COL4A1: variants seen among roughly 807,000 people sequenced by gnomAD.
COL4A1 encodes the protein collagen alpha-1(IV) chain.
A neutral mutation model predicts 216.6 loss-of-function variants in COL4A1; 40 were observed. The ratio of observed to expected loss-of-function variants is 0.18; its 90% confidence interval spans 0.14 to 0.24. COL4A1 has a LOEUF of 0.24. COL4A1 is among the 10% of genes least tolerant of loss of function. COL4A1 has a pLI of 1.00. For synonymous variants in COL4A1, 839 were observed against 810.7 expected, an observed-to-expected ratio of 1.03 and a Z score of -0.59; for missense variants, 1,628 against 2,196.8, an observed-to-expected ratio of 0.74 and a Z score of 5.18.
chr13:110,195,054 C>G lies in COL4A1; in HGVS notation c.1350G>C (p.Gln450His). The part of the protein sequence containing the change: ...GDQGPPGIPG[Q>H]PGFIGEIGEK... Reference sequence around the variant, plus strand: ...CTCCAATTTCGCCTATAAATCCTGGCTGCCCTGGAATTCCAGGAGGACCCT... The same window carrying G: ...CTCCAATTTCGCCTATAAATCCTGGGTGCCCTGGAATTCCAGGAGGACCCT... Residue 450 changes from glutamine (Q) to histidine (H), a missense_variant, in exon 22 of 52, where the codon CAG (glutamine) becomes CAC (histidine). Physicochemically the swap from Gln to His is conservative, Grantham distance 24. Around this residue, in one of 8 missense-constraint regions of COL4A1, gnomAD observed 701 missense variants for 892.5 expected, o/e 0.79. Transcript: ENST00000375820. The G allele has an allele frequency of 6.2e-7, 1 of 1,614,186 alleles. No homozygotes were observed.
At chr13:110,229,713 G>A (rs951362969) in intron 2 of COL4A1, among the ~76,000 whole-genome samples, 1 of 152,170 alleles carries the variant, frequency 6.6e-6, no homozygotes, top group African/African-American at 2.4e-5. Context: ...GTCCACAGCC[G>A]ACCTCGAATC....
intron 2 of COL4A1, among the ~76,000 whole-genome samples, chr13:110,219,682 A>ATATATATGTG (rs796243377): frequency 0.22 from 28,775 of 133,468 alleles, 3,301 homozygotes; most frequent in East Asian, 0.31. Flanking sequence ...ATATATGTGT[A>ATATATATGTG]TATATATGTA....
chr13:110,299,223 CAG>C (rs1225035647), intron 1 of COL4A1, among the ~76,000 whole-genome samples: 3 of 152,226 alleles, frequency 2.0e-5, no homozygotes, highest in African/African-American at 7.2e-5. Flanking sequence ...GCGGCGGCCT[CAG>C]TGAAAGAAGT....
intron 10 of COL4A1, 136 bp downstream of exon 10, chr13:110,209,844 G>A: frequency 9.3e-7 from 1 of 1,080,260 alleles, no homozygotes; most frequent in Non-Finnish European, 1.4e-6. Context: ...TAGTAAGAGG[G>A]AAGCTGATTC....
chr13:110,219,888 G>GTATATA (rs1566386039), intron 2 of COL4A1, among the ~76,000 whole-genome samples: 1 of 80,994 alleles, frequency 1.2e-5, no homozygotes, highest in East Asian at 2.6e-4. Flanking sequence ...GTATATATAT[G>GTATATA]TGTGTATATA....
At chr13:110,287,236 C>CAACAATAGT (rs981577470) in intron 1 of COL4A1, among the ~76,000 whole-genome samples, 1 of 152,164 alleles carries the variant, frequency 6.6e-6, no homozygotes, top group Admixed American at 6.5e-5. Flanking sequence ...TTCAGCCATT[C>CAACAATAGT]AACAATAGTA....
At chr13:110,206,986 T>C (rs1161554139) in intron 13 of COL4A1, 95 bp from the exon 14 acceptor site, 1 of 1,281,660 alleles carries the variant, frequency 7.8e-7, no homozygotes, top group African/African-American at 1.5e-5. Context: ...AAAAAACCTT[T>C]TTCTGATATA....
At position 110,211,754 on chromosome 13, in the gene COL4A1, T is replaced by G; in HGVS notation, c.442-81A>C. The G allele has an allele frequency of 7.0e-7, 1 of 1,435,374 alleles. No individual in the cohort carries two copies. The highest frequency in any genetic ancestry group is 2.4e-5 in the East Asian group (1 of 42,114). The allele number at this position is 1,435,374 out of a possible 1,614,324, so 88.9% of individuals were successfully genotyped here. On this transcript the variant is annotated intron_variant, in intron 7 of 51. Coordinates refer to ENST00000375820, the MANE Select transcript of COL4A1 (RefSeq NM_001845.6). The surrounding 1 kb of genome is among the most constrained non-coding windows in gnomAD (Gnocchi z 4.3). ...AAAATTGTTATCATGTAATATTATA[T>G]ATAAAATATAAGTTATTAAAACATA...
intron 49 of COL4A1, among the ~76,000 whole-genome samples, chr13:110,158,623 CT>C (rs1361864367): frequency 2.6e-5 from 4 of 151,618 alleles, no homozygotes; most frequent in Non-Finnish European, 5.9e-5. Context: ...AACTTTGTAT[CT>C]TTTTTTATCA....
At position 110,183,085 on chromosome 13, in the gene COL4A1, A is replaced by G. The variant is rs1159373198; in HGVS notation, c.2003T>C (p.Phe668Ser). The G allele has an allele frequency of 8.1e-6, 13 of 1,612,906 alleles. No individual in the cohort carries two copies. Among genetic ancestry groups the G allele is most frequent in the Non-Finnish European group, 9.3e-6 (11 of 1,179,744 alleles). ...GFPGPQGDRGFPGTPGRPGLP... is the reference protein window; with the variant it reads ...GFPGPQGDRGSPGTPGRPGLP... ...GCCTGGCCTTCCTGGGGTTCCGGGA[A>G]AGCCTCGGTCTCCTGTGGTGAGAAA... The change falls in exon 28 of 52, where the codon TTT becomes TCT. Residue 668 changes from phenylalanine (F) to serine (S), a missense_variant. By Grantham distance (155) the Phe-to-Ser change is radical. Transcript: ENST00000375820.
rs138205349 is a variant in COL4A1, at chr13:110,207,787, A to G, written c.694-298T>C. The stretch of plus-strand genomic sequence containing the variant: ...CCTCCGGACTTGCGTGCCCCTGTAT[A>G]GTGTATACTGGCTTCTGATGGCACG... On this transcript the variant is annotated intron_variant, in intron 12 of 51. Transcript: ENST00000375820. The surrounding 1 kb of genome is among the most constrained non-coding windows in gnomAD (Gnocchi z 4.4). Among the ~76,000 whole-genome samples the G allele has an allele frequency of 1.5e-3, 231 of 152,270 alleles. 1 individual carries two copies. Among genetic ancestry groups the G allele is most frequent in the African/African-American group, 5.4e-3 (223 of 41,548 alleles).
intron 2 of COL4A1, among the ~76,000 whole-genome samples, chr13:110,222,771 TTAAAAAAAAAAAAAAA>T (rs1240371231): frequency 3.2e-5 from 3 of 93,404 alleles, no homozygotes; most frequent in African/African-American, 3.9e-5. Flanking sequence ...AGACTCTGCT[TTAAAAAAAAAAAAAAA>T]AAAAAAAAAA....
rs1210319634 is a variant in COL4A1 at position 110,266,412 on chromosome 13, C to T, written c.85-23678G>A. On this transcript the variant is annotated intron_variant, in intron 1 of 51. Coordinates refer to ENST00000375820, the MANE Select transcript of COL4A1 (RefSeq NM_001845.6). ...CTCAGGAAAAGCAAGAGAAGGCTGC[C>T]AACCCCCGGTCCTCCAGCCCTGGAG... is the stretch of plus-strand genomic sequence containing the variant. Among the ~76,000 whole-genome samples the T allele has an allele frequency of 3.9e-5, 6 of 152,160 alleles. No individual in the cohort carries two copies. In the East Asian group the frequency reaches 1.2e-3, roughly 29 times the overall value.
chr13:110,271,338 A>G (rs1386320392), intron 1 of COL4A1, among the ~76,000 whole-genome samples: 1 of 152,194 alleles, frequency 6.6e-6, no homozygotes, highest in Non-Finnish European at 1.5e-5. Flanking sequence ...TTTCCACAAG[A>G]TACATATTAG....
chr13:110,181,212 G>A (rs749333107), intron 29 of COL4A1, 80 bp downstream of exon 29: 48 of 1,403,042 alleles, frequency 3.4e-5, no homozygotes, highest in Middle Eastern at 1.8e-4. Context: ...GTCCTGGGAC[G>A]TTCACAACCT....
chr13:110,208,977 A>T, intron 11 of COL4A1, 87 bp from the exon 12 acceptor site: 1 of 1,349,748 alleles, frequency 7.4e-7, no homozygotes, highest in Non-Finnish European at 1.1e-6. Context: ...ATGCAATAAG[A>T]TGGTAGATTT....
At position 110,189,355 on chromosome 13, in the gene COL4A1, A is replaced by G. The variant is rs566058428; in HGVS notation, c.1537-2026T>C. ...TGGGATTTCAGGCGTGAGCCACCGT[A>G]CCCAGCAGTGACTGCATTTCAAAGA... On this transcript the variant is annotated intron_variant, in intron 24 of 51. Transcript: ENST00000375820. 4.7e-4 allele frequency among the ~76,000 whole-genome samples: 71 copies of G among 152,276 alleles called. No homozygotes were observed. The South Asian group carries it at 0.014, about 30-fold the overall frequency.
Position 110,173,988 on chromosome 13 carries a change from C to T in COL4A1, c.3417G>A (p.Gly1139=). The change falls in exon 40 of 52, where the codon GGG becomes GGA. Residue 1139 remains glycine, a synonymous_variant. Transcript: ENST00000375820. ...PGVKGEAGLP[G]TPGPTGPAGQ... is the part of the protein sequence containing the mutation. ...CAGCTGGGCCTGTGGGGCCAGGAGT[C>T]CCAGGAAGACCTCAAAGAGAAAAGT... 4.3e-6 allele frequency: 7 copies of T among 1,614,064 alleles called. No individual in the cohort carries two copies. Among genetic ancestry groups the T allele is most frequent in the Non-Finnish European group, 5.9e-6 (7 of 1,180,016 alleles).
intron 2 of COL4A1, among the ~76,000 whole-genome samples, chr13:110,241,181 T>C (rs770167047): frequency 6.6e-6 from 1 of 152,136 alleles, no homozygotes; most frequent in East Asian, 1.9e-4. Flanking sequence ...AAAAAATATA[T>C]ATAAGTTTAT....
Sources: gnomAD v4.1 joint callset for allele counts (sites outside exome capture counted in the v4.1 genomes callset) on GRCh38, gnomAD v4.1.1 for gene constraint, gnomAD v4.1.1 regional missense constraint, Gnocchi (gnomAD v3.1) non-coding constraint, MANE v1.5 for transcripts, NCBI Gene and HGNC (gene_info 2026-07-23, HGNC 2026-07-21) for gene names.